THOC2: variants seen among roughly 807,000 people sequenced by gnomAD.
The protein encoded by THOC2 is THO complex subunit 2, also known as THO complex 2.
A neutral mutation model predicts 128.4 loss-of-function variants in THOC2; 10 were observed. That is an observed-to-expected ratio of 0.08 (90% CI 0.05 to 0.13). The LOEUF is 0.13. THOC2 is among the 10% of genes least tolerant of loss of function. The pLI is 1.00. For synonymous variants in THOC2, 393 were observed against 396.9 expected (o/e 0.99, Z 0.12); for missense variants, 535 against 1,155.7 (o/e 0.46, Z 7.79).
At chrX:123,687,773 T>A (rs771943145) in intron 7 of THOC2, among the ~76,000 whole-genome samples, 8 of 112,044 alleles carry the variant, frequency 7.1e-5, no homozygotes, top group Non-Finnish European at 1.3e-4. Flanking sequence ...CCTCTTTTTA[T>A]GAGATCCAAA....
chrX:123,711,413 A>C (rs761392746), intron 2 of THOC2, among the ~76,000 whole-genome samples: 2 of 110,196 alleles, frequency 1.8e-5, no homozygotes, highest in East Asian at 5.8e-4. Flanking sequence ...GCCTGAGGCG[A>C]AAGGACTGCT....
chrX:123,628,173 T>G (rs748375504), intron 22 of THOC2, among the ~76,000 whole-genome samples: 1 of 111,820 alleles, frequency 8.9e-6, no homozygotes, highest in Non-Finnish European at 1.9e-5. Flanking sequence ...TCTTTAGTAC[T>G]GTGTGCCAAC....
At chrX:123,686,357 C>T (rs1423510302) in intron 8 of THOC2, among the ~76,000 whole-genome samples, 191 bp downstream of exon 8, 3 of 112,255 alleles carry the variant, frequency 2.7e-5, no homozygotes, top group Non-Finnish European at 5.6e-5. Flanking sequence ...TTCCTCTAGG[C>T]TTTCACATCA....
At chrX:123,613,322 A>C in intron 36 of THOC2, 77 bp downstream of exon 36, 1 of 1,058,920 alleles carries the variant, frequency 9.4e-7, no homozygotes, top group Non-Finnish European at 1.3e-6. Flanking sequence ...ACTAGGAAAA[A>C]AATTCAATAT....
intron 8 of THOC2, among the ~76,000 whole-genome samples, chrX:123,678,322 G>A (rs983745346): frequency 9.5e-6 from 1 of 105,101 alleles, no homozygotes; most frequent in African/African-American, 3.5e-5. Flanking sequence ...CTGCAGTGCA[G>A]TGGCACGATC....
intron 12 of THOC2, among the ~76,000 whole-genome samples, chrX:123,659,338 C>T (rs1056670782): frequency 2.7e-5 from 3 of 112,396 alleles, no homozygotes; most frequent in South Asian, 7.4e-4. Flanking sequence ...TTTGGGAGGC[C>T]GAGGCGGGCG....
chrX:123,723,008 G>C (rs1267245335), intron 1 of THOC2, among the ~76,000 whole-genome samples: 2 of 110,897 alleles, frequency 1.8e-5, no homozygotes, highest in Admixed American at 9.6e-5. Context: ...GTGAAACCCT[G>C]TCTCTACTAA....
chrX:123,648,915 G>T (rs1475563262), intron 12 of THOC2, among the ~76,000 whole-genome samples: 1 of 112,202 alleles, frequency 8.9e-6, no homozygotes, highest in African/African-American at 3.2e-5. Context: ...GTTCCTGCCT[G>T]CCAGCTCTGA....
chrX:123,703,391 A>T (rs1028824664), intron 4 of THOC2, 63 bp downstream of exon 4: 20 of 742,566 alleles, frequency 2.7e-5, no homozygotes, highest in Non-Finnish European at 3.9e-5. Flanking sequence ...AAAACATTTT[A>T]TTTAACAAAC....
chrX:123,666,997 A>T, intron 11 of THOC2, 109 bp downstream of exon 11: 1 of 526,437 alleles, frequency 1.9e-6, no homozygotes, highest in Non-Finnish European at 3.0e-6. Context: ...TCTTTTGATA[A>T]AAGGTACTAA....
At chrX:123,647,061 T>C (rs778426096) in intron 12 of THOC2, among the ~76,000 whole-genome samples, 26 of 111,854 alleles carry the variant, frequency 2.3e-4, no homozygotes, top group African/African-American at 7.5e-4. Flanking sequence ...GTGACTCATA[T>C]GAGTTTCAAG....
chrX:123,639,133 T>C (rs1390207127), intron 16 of THOC2, 106 bp from the exon 17 acceptor site: 11 of 352,149 alleles, frequency 3.1e-5, no homozygotes, highest in Non-Finnish European at 5.6e-5. Context: ...AAATAATGCT[T>C]ATAATTAAAG....
At chrX:123,712,929 T>C (rs776539294) in intron 1 of THOC2, 21 bp from the exon 2 acceptor site, 2 of 1,064,166 alleles carry the variant, frequency 1.9e-6, no homozygotes, top group Admixed American at 5.7e-5. Context: ...ATAGAAAACA[T>C]GTATTTCAAT....
At position 123,704,463 on chromosome X, in the gene THOC2, T is replaced by C. The variant is rs150018127; in HGVS notation, c.223-958A>G. 3.9e-4 allele frequency among the ~76,000 whole-genome samples: 44 copies of C among 111,855 alleles called. No individual in the cohort carries two copies. In the East Asian group the frequency reaches 0.011, roughly 28 times the overall value. On this transcript the variant is annotated intron_variant, in intron 3 of 38. Coordinates refer to ENST00000245838, the MANE Select transcript of THOC2 (RefSeq NM_001081550.2). The stretch of plus-strand genomic sequence containing the variant: ...TCCAAATAGTGAACACAGTACTCAA[T>C]AGGTAGTTTTTCAACCCTTATTGCC...
At chrX:123,666,202 C>T (rs2049044138) in intron 11 of THOC2, among the ~76,000 whole-genome samples, 1 of 111,968 alleles carries the variant, frequency 8.9e-6, no homozygotes, top group Admixed American at 9.5e-5. Flanking sequence ...TGGGAATGGG[C>T]AACAAGGGAT....
At chrX:123,611,052 C>A in intron 37 of THOC2, 89 bp from the exon 38 acceptor site, 2 of 871,021 alleles carry the variant, frequency 2.3e-6, no homozygotes, top group Non-Finnish European at 1.7e-6. Flanking sequence ...GGTTGCAGGC[C>A]TAAATGGGCT....
intron 36 of THOC2, among the ~76,000 whole-genome samples, chrX:123,612,118 T>C (rs984269930): frequency 9.0e-6 from 1 of 111,454 alleles, no homozygotes. Flanking sequence ...TTTTGGTGGT[T>C]CCTCAAAAAG....
intron 4 of THOC2, 26 bp from the exon 5 acceptor site, chrX:123,697,777 T>G: frequency 1.3e-6 from 1 of 752,600 alleles, no homozygotes; most frequent in Non-Finnish European, 1.9e-6. Context: ...AGAAAAAAGT[T>G]TGATTGATTT....
intron 32 of THOC2, chrX:123,619,847 G>A (rs767272471): frequency 8.5e-6 from 1 of 118,051 alleles, no homozygotes; most frequent in South Asian, 3.3e-4. Flanking sequence ...TAATTGGGAG[G>A]ATTCACATTT....
Sources: gnomAD v4.1 joint callset for allele counts (sites outside exome capture counted in the v4.1 genomes callset) on GRCh38, gnomAD v4.1.1 for gene constraint, MANE v1.5 for transcripts, NCBI Gene and HGNC (gene_info 2026-07-23, HGNC 2026-07-21) for gene names.